ZDHHC14: variants seen among roughly 807,000 people sequenced by gnomAD.
ZDHHC14 encodes zDHHC palmitoyltransferase 14.
ZDHHC14 carries 16 observed loss-of-function variants against 47.7 expected under a neutral mutation model. The ratio of observed to expected loss-of-function variants is 0.34; its 90% CI spans 0.23 to 0.51. The LOEUF is 0.51. ZDHHC14 is among the 20% of genes least tolerant of loss of function. ZDHHC14 has a pLI of 0.97. For synonymous variants in ZDHHC14, 293 were observed against 278.9 expected, an observed-to-expected ratio of 1.05 and a Z score of -0.50; for missense variants, 515 against 662.5, an observed-to-expected ratio of 0.78 and a Z score of 2.44.
intron 3 of ZDHHC14, among the ~76,000 whole-genome samples, chr6:157,605,854 G>C (rs1201160198): frequency 6.6e-6 from 1 of 152,160 alleles, no homozygotes; most frequent in Non-Finnish European, 1.5e-5. Context: ...TGAATCACAT[G>C]TGGTCACCAG....
At chr6:157,471,456 A>G (rs1729620752) in intron 1 of ZDHHC14, among the ~76,000 whole-genome samples, 1 of 152,236 alleles carries the variant, frequency 6.6e-6, no homozygotes, top group African/African-American at 2.4e-5. Context: ...CCCCGAGGAA[A>G]GGAAATTTGC....
intron 1 of ZDHHC14, among the ~76,000 whole-genome samples, chr6:157,400,814 G>A (rs759691954): frequency 1.3e-5 from 2 of 152,174 alleles, no homozygotes; most frequent in Non-Finnish European, 2.9e-5. Context: ...CCCAGGTCCC[G>A]CTGTCTTCCT....
chr6:157,510,780 G>A (rs916606864), intron 1 of ZDHHC14, among the ~76,000 whole-genome samples: 10 of 152,224 alleles, frequency 6.6e-5, no homozygotes, highest in Non-Finnish European at 1.3e-4. Context: ...AGCAAGGGGG[G>A]CGTTCATTGC....
At chr6:157,621,308 A>ACCTCATATTTG (rs971448533) in intron 3 of ZDHHC14, among the ~76,000 whole-genome samples, 2 of 152,240 alleles carry the variant, frequency 1.3e-5, no homozygotes, top group Admixed American at 1.3e-4. Flanking sequence ...AATGGAATAT[A>ACCTCATATTTG]CCTCATAGGG....
chr6:157,665,344 G>A (rs1470493572), intron 8 of ZDHHC14, among the ~76,000 whole-genome samples: 1 of 152,120 alleles, frequency 6.6e-6, no homozygotes. Context: ...AATAAACACT[G>A]AGTTAGCCGT....
At chr6:157,540,250 C>T (rs562249439) in intron 1 of ZDHHC14, among the ~76,000 whole-genome samples, 45 of 152,072 alleles carry the variant, frequency 3.0e-4, no homozygotes, top group Non-Finnish European at 5.6e-4. Flanking sequence ...GATGAGAGGC[C>T]GCAGAGGCAT....
intron 3 of ZDHHC14, among the ~76,000 whole-genome samples, chr6:157,612,809 C>T (rs373248217): frequency 1.6e-4 from 24 of 150,514 alleles, no homozygotes; most frequent in African/African-American, 5.2e-4. Context: ...GCTGTATCTA[C>T]CTTCATGTCT....
Position 157,677,438 on chromosome 6 carries a change from G to C in ZDHHC14, c.*4316G>C, listed in dbSNP as rs1314820975. On this transcript the variant is annotated 3_prime_UTR_variant, in exon 9 of 9. Transcript: ENST00000359775. ...CCCATTGTCCATGGTCCTGATAATAGAGCCAAGATGGATTTTCACATGTAA... is the reference window on the plus strand; with the variant it reads ...CCCATTGTCCATGGTCCTGATAATACAGCCAAGATGGATTTTCACATGTAA... The C allele has an allele frequency of 2.0e-5, 3 of 151,532 alleles. No individual in the cohort carries two copies. Among genetic ancestry groups the C allele is most frequent in the African/African-American group, 7.3e-5 (3 of 41,196 alleles). 9.4% of individuals were successfully genotyped at this position (151,532 alleles called of 1,614,324 possible). A position where few individuals can be genotyped will look rare whatever the true frequency, so the allele number is the denominator to read the frequency against.
chr6:157,484,296 T>TATATATATAC (rs1779709478), intron 1 of ZDHHC14, among the ~76,000 whole-genome samples: 1 of 14,048 alleles, frequency 7.1e-5, no homozygotes, highest in South Asian at 2.9e-3. Context: ...TATATGTGTA[T>TATATATATAC]ATATATATAC....
At chr6:157,575,473 C>T (rs927114686) in intron 2 of ZDHHC14, among the ~76,000 whole-genome samples, 3 of 152,194 alleles carry the variant, frequency 2.0e-5, no homozygotes, top group Non-Finnish European at 4.4e-5. Context: ...TCTCAGATCT[C>T]CCGCTTACAC....
At chr6:157,584,857 G>A (rs1783630893) in intron 2 of ZDHHC14, among the ~76,000 whole-genome samples, 1 of 152,174 alleles carries the variant, frequency 6.6e-6, no homozygotes, top group South Asian at 2.1e-4. Flanking sequence ...TATGAAGGAA[G>A]AGACCATTTT....
chr6:157,633,615 T>G (rs1397027994), intron 5 of ZDHHC14, among the ~76,000 whole-genome samples: 2 of 152,202 alleles, frequency 1.3e-5, no homozygotes, highest in Admixed American at 6.5e-5. Flanking sequence ...TCAGGTAGAC[T>G]GGACTTGAAC....
At chr6:157,468,256 A>G (rs373539119) in intron 1 of ZDHHC14, among the ~76,000 whole-genome samples, 3 of 152,342 alleles carry the variant, frequency 2.0e-5, no homozygotes, top group Admixed American at 6.5e-5. Context: ...TAATTCGTCT[A>G]GGAAATCATC....
chr6:157,645,818 C>T lies in ZDHHC14; in HGVS notation c.834C>T (p.Ser278=). The change falls in exon 6 of 9, where the codon TCC becomes TCT. Residue 278 remains serine (S), a synonymous_variant. Transcript: ENST00000359775. The part of the protein sequence containing the change: ...LSGFHTYLIS[S]NQTTNEDIKG... The stretch of plus-strand genomic sequence containing the variant: ...GATTCCACACCTACTTGATCAGCTC[C>T]AACCAGACAACAAATGAGGACGTAA... The T allele has an allele frequency of 6.2e-7, 1 of 1,614,112 alleles. No individual in the cohort carries two copies. The highest frequency in any genetic ancestry group is 8.5e-7 in the Non-Finnish European group (1 of 1,180,006).
chr6:157,468,530 C>T (rs1444103911), intron 1 of ZDHHC14, among the ~76,000 whole-genome samples: 1 of 152,228 alleles, frequency 6.6e-6, no homozygotes, highest in African/African-American at 2.4e-5. Flanking sequence ...ATGAGTACTA[C>T]AGCAAACAGC....
At chr6:157,648,022 T>A (rs1162145300) in intron 7 of ZDHHC14, among the ~76,000 whole-genome samples, 1 of 152,130 alleles carries the variant, frequency 6.6e-6, no homozygotes, top group Admixed American at 6.5e-5. Flanking sequence ...GTGCCCAAGA[T>A]CACACAGCAA....
intron 2 of ZDHHC14, among the ~76,000 whole-genome samples, chr6:157,569,775 G>T (rs1178940317): frequency 1.3e-5 from 2 of 151,806 alleles, no homozygotes; most frequent in Non-Finnish European, 2.9e-5. Context: ...TTCTTCACAC[G>T]GAAGCTACCT....
chr6:157,460,241 T>C (rs746632510), intron 1 of ZDHHC14, among the ~76,000 whole-genome samples: 1 of 147,322 alleles, frequency 6.8e-6, no homozygotes, highest in Non-Finnish European at 1.5e-5. Flanking sequence ...CAAAACAAAA[T>C]GTAAAAAATT....
At chr6:157,612,345 A>G (rs149884533) in intron 3 of ZDHHC14, among the ~76,000 whole-genome samples, 6 of 152,346 alleles carry the variant, frequency 3.9e-5, no homozygotes, top group African/African-American at 1.4e-4. Flanking sequence ...GTTTCCAAAC[A>G]GAATCTCATC....
Sources: allele counts gnomAD v4.1 joint callset (sites outside exome capture counted in the v4.1 genomes callset), GRCh38; gene constraint gnomAD v4.1.1; transcripts MANE v1.5; gene names NCBI Gene and HGNC (gene_info 2026-07-23, HGNC 2026-07-21).